BOLL: variants seen among roughly 807,000 people sequenced by gnomAD.
BOLL encodes boule RNA binding protein, also known as protein boule-like.
BOLL carries 23 observed loss-of-function variants against 44.4 expected under a neutral mutation model. That is an observed-to-expected ratio of 0.52 (90% CI 0.37 to 0.73). BOLL has a LOEUF of 0.73. Among genes scored for constraint, BOLL ranks in the 30% least tolerant of loss-of-function variants. The pLI is 0.00. For synonymous variants in BOLL, 97 were observed against 110.8 expected (o/e 0.88, Z 0.78); for missense variants, 287 against 338.3 (o/e 0.85, Z 1.19).
At chr2:197,784,470 C>T (rs1467417004) in intron 1 of BOLL, among the ~76,000 whole-genome samples, 4 of 131,934 alleles carry the variant, frequency 3.0e-5, no homozygotes, top group Non-Finnish European at 6.2e-5. Flanking sequence ...CTTGCTCTGT[C>T]GCCAGGCTGG....
At chr2:197,774,866 T>G (rs1279793624) in intron 5 of BOLL, 5 of 151,916 alleles carry the variant, frequency 3.3e-5, no homozygotes, top group Admixed American at 6.6e-5. Context: ...TAACCAAATA[T>G]CTATTATTTC....
intron 6 of BOLL, 62 bp downstream of exon 6, chr2:197,771,793 T>C: frequency 2.1e-6 from 3 of 1,427,170 alleles, no homozygotes; most frequent in Non-Finnish European, 2.8e-6. Flanking sequence ...TTCAGAAATA[T>C]AACAAACATT....
At chr2:197,772,038 G>A in intron 5 of BOLL, 56 bp from the exon 6 acceptor site, 2 of 1,419,888 alleles carry the variant, frequency 1.4e-6, no homozygotes, top group Non-Finnish European at 1.9e-6. Flanking sequence ...TGTTAAAAAT[G>A]TAGTTTCTAA....
chr2:197,734,103 A>G (rs1237990894), intron 10 of BOLL, among the ~76,000 whole-genome samples: 1 of 151,476 alleles, frequency 6.6e-6, no homozygotes, highest in Non-Finnish European at 1.5e-5. Context: ...AATGAACTCA[A>G]ACAAATTTAC....
intron 7 of BOLL, among the ~76,000 whole-genome samples, chr2:197,762,100 C>T (rs1197992829): frequency 1.3e-5 from 2 of 152,122 alleles, no homozygotes; most frequent in African/African-American, 2.4e-5. Context: ...AGTGCCAGCA[C>T]TTTGGGAGGC....
At position 197,766,548 on chromosome 2, in the gene BOLL, G is replaced by A. The variant is rs1226863820; in HGVS notation, c.536C>T (p.Pro179Leu). 3 of 1,611,182 alleles carry A rather than the reference G, an allele frequency of 1.9e-6. No homozygotes were observed. The South Asian group carries it at 3.3e-5, about 18-fold the overall frequency. The stretch of plus-strand genomic sequence containing the variant: ...TATGTTTACCTGGTAGTGATATGCA[G>A]GTTGCTGATAAATGGGCTGAGCTAC... ...VMVAQPIYQQ[P>L]AYHYQATTQY... The change falls in exon 7 of 11, where the codon CCT becomes CTT. Residue 179 changes from proline (P) to leucine (L), a missense_variant. By Grantham distance (98) the Pro-to-Leu change is moderately conservative. Transcript: ENST00000392296.
chr2:197,753,890 T>C (rs553525181), intron 9 of BOLL, among the ~76,000 whole-genome samples: 2 of 152,270 alleles, frequency 1.3e-5, no homozygotes, highest in African/African-American at 4.8e-5. Context: ...CCAACCCAAA[T>C]GCCCATCAAT....
At chr2:197,782,419 C>G (rs1171955763) in intron 1 of BOLL, among the ~76,000 whole-genome samples, 1 of 152,222 alleles carries the variant, frequency 6.6e-6, no homozygotes, top group Non-Finnish European at 1.5e-5. Flanking sequence ...ACCCTCCATT[C>G]TGGCTGATAT....
chr2:197,742,666 G>T (rs1457227617), intron 10 of BOLL, among the ~76,000 whole-genome samples: 1 of 152,034 alleles, frequency 6.6e-6, no homozygotes, highest in Non-Finnish European at 1.5e-5. Flanking sequence ...GACTGTTGTG[G>T]GGTGGGGGGA....
At chr2:197,729,879 A>C (rs573382138) in intron 10 of BOLL, among the ~76,000 whole-genome samples, 9 of 151,790 alleles carry the variant, frequency 5.9e-5, no homozygotes, top group African/African-American at 1.5e-4. Context: ...AGAACAGAAA[A>C]ACTGGAAACT....
chr2:197,728,607 G>C (rs1301982248), intron 10 of BOLL, 29 bp from the exon 11 acceptor site: 1 of 1,487,806 alleles, frequency 6.7e-7, no homozygotes, highest in Admixed American at 1.7e-5. Context: ...ATATAGATCA[G>C]GAAGACTGAA....
rs1231357650 is a variant in BOLL at position 197,771,977 on chromosome 2, T to C, written c.358A>G (p.Ser120Gly). The C allele has an allele frequency of 6.4e-7, 1 of 1,570,422 alleles. No homozygotes were observed. The highest frequency in any genetic ancestry group is 2.3e-5 in the East Asian group (1 of 44,130). Residue 120 changes from serine (S) to glycine (G), a missense_variant, in exon 6 of 11, where the codon AGT becomes GGT. Coordinates refer to ENST00000392296, the MANE Select transcript of BOLL (RefSeq NM_033030.6). ...ATTGTTCCAGCTGCTGGCATTATAC[T>C]AGAACCTAAAGCAAAGATTAAATAA... ...RKQQVGIPRS[S>G]IMPAAGTMYL...
At position 197,774,269 on chromosome 2, in the gene BOLL, A is replaced by G. The variant is rs534692290; in HGVS notation, c.352+1396T>C. 1.3e-4 allele frequency: 22 copies of G among 173,070 alleles called. No individual in the cohort carries two copies. In the South Asian group the frequency reaches 1.9e-3, roughly 15 times the overall value. 10.7% of individuals were successfully genotyped at this position (173,070 alleles called of 1,614,324 possible). A position where few individuals can be genotyped will look rare whatever the true frequency, so the allele number is the denominator to read the frequency against. The stretch of plus-strand genomic sequence containing the variant: ...TGGAACAGAATGCAAATTATACATG[A>G]TGTTTTTGCATAAATCATGAGACTT... On this transcript the variant is annotated intron_variant, in intron 5 of 10. Coordinates refer to ENST00000392296, the MANE Select transcript of BOLL (RefSeq NM_033030.6).
chr2:197,770,635 T>G (rs902550916), intron 6 of BOLL, among the ~76,000 whole-genome samples: 5 of 151,972 alleles, frequency 3.3e-5, no homozygotes, highest in African/African-American at 1.2e-4. Flanking sequence ...ACTAAGAACT[T>G]AAACAAACTT....
Position 197,775,646 on chromosome 2 carries a change from A to T in BOLL, c.352+19T>A. On this transcript the variant is annotated intron_variant, in intron 5 of 10. Transcript: ENST00000392296. Reference sequence around the variant, plus strand: ...ACCATGCAAAAATATTTAAAAATACATTAGTTCTCAATACATACGAGGGAT... The same window carrying T: ...ACCATGCAAAAATATTTAAAAATACTTTAGTTCTCAATACATACGAGGGAT... The T allele has an allele frequency of 7.0e-7, 1 of 1,438,644 alleles. No individual in the cohort carries two copies. Among genetic ancestry groups the T allele is most frequent in the South Asian group, 1.3e-5 (1 of 75,690 alleles). The allele number at this position is 1,438,644 out of a possible 1,614,324, so 89.1% of individuals were successfully genotyped here. A position where few individuals can be genotyped will look rare whatever the true frequency, so the allele number is the denominator to read the frequency against.
chr2:197,731,124 C>G (rs1033825994), intron 10 of BOLL, among the ~76,000 whole-genome samples: 11 of 152,032 alleles, frequency 7.2e-5, no homozygotes, highest in African/African-American at 2.7e-4. Context: ...GGAAGACCTA[C>G]CAAGCCAATG....
chr2:197,769,669 C>T (rs540060923), intron 6 of BOLL, among the ~76,000 whole-genome samples: 6 of 152,232 alleles, frequency 3.9e-5, no homozygotes, highest in Admixed American at 1.3e-4. Flanking sequence ...GATACAAAAT[C>T]GATGTGCAAA....
intron 9 of BOLL, 41 bp from the exon 10 acceptor site, chr2:197,743,200 A>T: frequency 7.1e-7 from 1 of 1,417,448 alleles, no homozygotes; most frequent in Non-Finnish European, 9.7e-7. Flanking sequence ...CCTTTCATCT[A>T]TTAATTCTAA....
At chr2:197,741,928 C>T (rs1183105087) in intron 10 of BOLL, among the ~76,000 whole-genome samples, 3 of 152,022 alleles carry the variant, frequency 2.0e-5, no homozygotes, top group Non-Finnish European at 4.4e-5. Context: ...CAAAGGATAT[C>T]TCTAATATCC....
Sources: gnomAD v4.1 joint callset for allele counts (sites outside exome capture counted in the v4.1 genomes callset) on GRCh38, gnomAD v4.1.1 for gene constraint, MANE v1.5 for transcripts, NCBI Gene and HGNC (gene_info 2026-07-23, HGNC 2026-07-21) for gene names.